Variants in CWF19L2 observed in about 807,000 individuals in gnomAD.
The protein encoded by CWF19L2 is CWF19-like protein 2.
Under a neutral mutation model 111.7 loss-of-function variants are expected in CWF19L2, and 98 were observed. That is an observed-to-expected ratio of 0.88 (90% CI 0.75 to 1.04). The LOEUF (loss-of-function observed/expected upper bound fraction) is 1.04, where lower values mean the gene tolerates loss of function less well. CWF19L2 is among the 50% of genes least tolerant of loss of function. The probability of loss-of-function intolerance (pLI) is 0.00; values close to 1 mark genes in which losing one functional copy is unlikely to be tolerated. For synonymous variants in CWF19L2, 351 were observed against 342.9 expected (o/e 1.02, Z -0.26); for missense variants, 1,101 against 1,051.4 (o/e 1.05, Z -0.65).
chr11:107,425,043 G>A (rs1861354309), intron 8 of CWF19L2, among the ~76,000 whole-genome samples: 1 of 151,596 alleles, frequency 6.6e-6, no homozygotes, highest in African/African-American at 2.4e-5. Flanking sequence ...CATGACACCT[G>A]CAATTATCCT....
At position 107,368,165 on chromosome 11, in the gene CWF19L2, T is replaced by C. The variant is rs777493832; in HGVS notation, c.1873-14429A>G. ...AAGATCAGTAAGATAAAAAGTTGAC[T>C]CTGAAAAGATAAACAAAATTGACAA... is the stretch of plus-strand genomic sequence containing the variant. On this transcript the variant is annotated intron_variant, in intron 12 of 17. Coordinates refer to ENST00000282251, the MANE Select transcript of CWF19L2 (RefSeq NM_152434.3). 1.9e-4 allele frequency among the ~76,000 whole-genome samples: 24 copies of C among 125,838 alleles called. 6 individuals are homozygous for C. The highest frequency in any genetic ancestry group is 3.5e-4 in the Non-Finnish European group (21 of 59,946). The allele number at this position is 125,838 out of a possible 152,430, so 82.6% of individuals were successfully genotyped here. A position where few individuals can be genotyped will look rare whatever the true frequency, so the allele number is the denominator to read the frequency against.
At position 107,369,346 on chromosome 11, in the gene CWF19L2, A is replaced by T. The variant is rs1860476950; in HGVS notation, c.1873-15610T>A. On this transcript the variant is annotated intron_variant, in intron 12 of 17. Transcript: ENST00000282251. ...ATGTATAATATAAAAGTAGAGCTTC[A>T]GAGGCACCCTCTCTAGGTAATCAAT... is the stretch of plus-strand genomic sequence containing the variant. 5.1e-5 allele frequency among the ~76,000 whole-genome samples: 7 copies of T among 137,778 alleles called. 2 individuals carry two copies. Among genetic ancestry groups the T allele is most frequent in the Admixed American group, 5.0e-4 (7 of 13,994 alleles). The allele number at this position is 137,778 out of a possible 152,430, so 90.4% of individuals were successfully genotyped here.
intron 16 of CWF19L2, among the ~76,000 whole-genome samples, chr11:107,333,435 C>T (rs1859878696): frequency 6.6e-6 from 1 of 152,096 alleles, no homozygotes; most frequent in South Asian, 2.1e-4. Flanking sequence ...AAATTTTTTT[C>T]TCCTTTGAAA....
intron 10 of CWF19L2, among the ~76,000 whole-genome samples, chr11:107,411,686 C>T (rs1349913902): frequency 1.3e-5 from 2 of 152,048 alleles, no homozygotes; most frequent in Non-Finnish European, 2.9e-5. Flanking sequence ...AATAAATATA[C>T]TAATTAAAAT....
In CWF19L2 at chr11:107,336,627, C is replaced by T; in HGVS notation, c.2289G>A (p.Gln763=). ...FLETNMSMKK[Q]YHMVYECIPL... ...GAATACATTCATAAACCATGTGATA[C>T]TGTTTCTTCATGCTCATATTAGTTT... The change falls in exon 15 of 18, where the codon CAG becomes CAA. Residue 763 remains glutamine, a synonymous_variant. Transcript: ENST00000282251. 1 of 1,605,294 alleles carries T rather than the reference C, an allele frequency of 6.2e-7. No individual in the cohort carries two copies. Among genetic ancestry groups the T allele is most frequent in the Non-Finnish European group, 8.5e-7 (1 of 1,175,116 alleles).
At chr11:107,417,230 G>A (rs1861239313) in intron 9 of CWF19L2, among the ~76,000 whole-genome samples, 1 of 152,088 alleles carries the variant, frequency 6.6e-6, no homozygotes, top group Non-Finnish European at 1.5e-5. Flanking sequence ...ATCAAGATGT[G>A]GAATATCTGG....
chr11:107,411,089 G>GCACACA (rs146846176), intron 10 of CWF19L2, among the ~76,000 whole-genome samples: 103 of 148,794 alleles, frequency 6.9e-4, no homozygotes, highest in South Asian at 2.4e-3. Context: ...GCGCGTGCGT[G>GCACACA]CACACACACA....
At chr11:107,397,265 A>G (rs1860937483) in intron 10 of CWF19L2, among the ~76,000 whole-genome samples, 1 of 152,114 alleles carries the variant, frequency 6.6e-6, no homozygotes, top group Non-Finnish European at 1.5e-5. Context: ...AGATATCCTC[A>G]GGTATGTTTT....
intron 12 of CWF19L2, among the ~76,000 whole-genome samples, chr11:107,357,798 C>T (rs1056783291): frequency 7.2e-5 from 11 of 152,090 alleles, no homozygotes; most frequent in African/African-American, 2.4e-4. Flanking sequence ...TCCAGCCTAC[C>T]GTATTCTCAT....
At chr11:107,404,446 G>A in intron 10 of CWF19L2, 1 of 773,648 alleles carries the variant, frequency 1.3e-6, no homozygotes, top group Non-Finnish European at 2.4e-6. Context: ...TGAACTGGCT[G>A]TTGGCACCCG....
chr11:107,433,836 A>G (rs1861499658), intron 6 of CWF19L2, 87 bp from the exon 7 acceptor site: 1 of 292,236 alleles, frequency 3.4e-6, no homozygotes, highest in African/African-American at 2.4e-5. Flanking sequence ...TCTAAAATAT[A>G]AAAATAAATA....
At position 107,353,818 on chromosome 11, in the gene CWF19L2, C is replaced by T. The variant is rs576968768; in HGVS notation, c.1873-82G>A. The T allele has an allele frequency of 3.4e-5, 33 of 979,506 alleles. No individual in the cohort carries two copies. In the African/African-American group the frequency reaches 4.7e-4, roughly 14 times the overall value. 60.7% of individuals were successfully genotyped at this position (979,506 alleles called of 1,614,324 possible). A position where few individuals can be genotyped will look rare whatever the true frequency, so the allele number is the denominator to read the frequency against. On this transcript the variant is annotated intron_variant, in intron 12 of 17. Transcript: ENST00000282251. ...GCACTGTGGTATCCTAAATCTGTAT[C>T]TGTAAGTTCTATGATAAAACTAATA... is the stretch of plus-strand genomic sequence containing the variant.
intron 4 of CWF19L2, among the ~76,000 whole-genome samples, chr11:107,442,257 A>C (rs1403834109): frequency 6.6e-6 from 1 of 152,226 alleles, no homozygotes; most frequent in Non-Finnish European, 1.5e-5. Flanking sequence ...AACATTCAGC[A>C]AACAGCAGTA....
intron 10 of CWF19L2, among the ~76,000 whole-genome samples, chr11:107,398,402 A>C (rs1591182953): frequency 6.6e-6 from 1 of 152,226 alleles, no homozygotes; most frequent in East Asian, 1.9e-4. Flanking sequence ...GAAAGTCTCA[A>C]CAACAAAATT....
intron 10 of CWF19L2, among the ~76,000 whole-genome samples, chr11:107,407,774 C>G (rs776717551): frequency 6.6e-6 from 1 of 151,930 alleles, no homozygotes; most frequent in Non-Finnish European, 1.5e-5. Flanking sequence ...ATAATCATAA[C>G]TATCCAAAAC....
intron 13 of CWF19L2, among the ~76,000 whole-genome samples, chr11:107,352,847 G>A (rs1191422501): frequency 6.6e-6 from 1 of 151,984 alleles, no homozygotes; most frequent in Non-Finnish European, 1.5e-5. Context: ...CAAACTATTC[G>A]TTCCTGAAAC....
At position 107,372,924 on chromosome 11, in the gene CWF19L2, G is replaced by A. The variant is rs188572118; in HGVS notation, c.1872+17150C>T. ...AGGCCAGTGGGTGCGCGCACCATGC[G>A]TGAGCCGAAGCAGGGCAAGGCATTG... is the stretch of plus-strand genomic sequence containing the variant. On this transcript the variant is annotated intron_variant, in intron 12 of 17. Coordinates refer to ENST00000282251, the MANE Select transcript of CWF19L2 (RefSeq NM_152434.3). Among the ~76,000 whole-genome samples, 6 of 123,768 alleles carry A rather than the reference G, an allele frequency of 4.8e-5. 1 individual carries two copies. Among genetic ancestry groups the A allele is most frequent in the African/African-American group, 7.2e-5 (2 of 27,836 alleles). 81.2% of individuals were successfully genotyped at this position (123,768 alleles called of 152,430 possible). A position where few individuals can be genotyped will look rare whatever the true frequency, so the allele number is the denominator to read the frequency against.
intron 8 of CWF19L2, among the ~76,000 whole-genome samples, chr11:107,421,181 C>A (rs937152509): frequency 6.6e-6 from 1 of 151,862 alleles, no homozygotes; most frequent in Non-Finnish European, 1.5e-5. Flanking sequence ...AACTAAATAG[C>A]GCAACTGTAA....
At chr11:107,335,067 T>C (rs976601084) in intron 15 of CWF19L2, 106 bp from the exon 16 acceptor site, 4 of 700,124 alleles carry the variant, frequency 5.7e-6, no homozygotes, top group East Asian at 5.1e-5. Flanking sequence ...ATATTATACA[T>C]AGTAAGCCAT....
Sources: allele counts gnomAD v4.1 joint callset (sites outside exome capture counted in the v4.1 genomes callset), GRCh38; gene constraint gnomAD v4.1.1; transcripts MANE v1.5; gene names NCBI Gene and HGNC (gene_info 2026-07-23, HGNC 2026-07-21).